The following PAIP2 variants were observed in gnomAD, a reference collection of about 807,000 sequenced individuals.
PAIP2 encodes the protein poly(A) binding protein interacting protein 2.
Under a neutral mutation model 14.8 loss-of-function variants are expected in PAIP2, and 7 were observed. That is an observed-to-expected ratio of 0.47 (90% CI 0.27 to 0.89). PAIP2 has a LOEUF of 0.89. Among genes scored for constraint, PAIP2 ranks in the 40% least tolerant of loss-of-function variants. PAIP2 has a pLI of 0.13. For synonymous variants in PAIP2, 47 were observed against 45.3 expected (o/e 1.04, Z -0.15); for missense variants, 122 against 154.7 (o/e 0.79, Z 1.12).
chr5:139,350,484 A>C (rs1305140845), intron 1 of PAIP2, among the ~76,000 whole-genome samples: 1 of 151,796 alleles, frequency 6.6e-6, no homozygotes, highest in Non-Finnish European at 1.5e-5. Context: ...TGCAAAAATT[A>C]GTGTGTCATG....
intron 1 of PAIP2, among the ~76,000 whole-genome samples, chr5:139,350,976 A>C (rs1756713039): frequency 6.6e-6 from 1 of 152,198 alleles, no homozygotes; most frequent in Non-Finnish European, 1.5e-5. Context: ...CATGAACTAA[A>C]GATTTAAATA....
intron 1 of PAIP2, among the ~76,000 whole-genome samples, chr5:139,355,617 G>A (rs529829527): frequency 6.6e-6 from 1 of 152,304 alleles, no homozygotes; most frequent in South Asian, 2.1e-4. Context: ...CACTTTGGGA[G>A]GCTGATGTGG....
At chr5:139,368,003 A>C (rs565615357) in intron 3 of PAIP2, among the ~76,000 whole-genome samples, 1 of 152,120 alleles carries the variant, frequency 6.6e-6, no homozygotes, top group Non-Finnish European at 1.5e-5. Context: ...GATCAACACC[A>C]TCCTGGCTAA....
At chr5:139,350,950 C>T (rs925348134) in intron 1 of PAIP2, among the ~76,000 whole-genome samples, 5 of 152,006 alleles carry the variant, frequency 3.3e-5, no homozygotes, top group African/African-American at 1.2e-4. Context: ...AGATCCTTCA[C>T]ATATTCAAAT....
intron 1 of PAIP2, among the ~76,000 whole-genome samples, chr5:139,348,394 G>A (rs989609157): frequency 2.0e-5 from 3 of 148,336 alleles, no homozygotes; most frequent in Admixed American, 6.8e-5. Context: ...TCACTCTGTC[G>A]CCCAAGTTGG....
chr5:139,362,282 G>A (rs1757086963), intron 1 of PAIP2, among the ~76,000 whole-genome samples: 1 of 151,902 alleles, frequency 6.6e-6, no homozygotes, highest in Non-Finnish European at 1.5e-5. Flanking sequence ...GTGCAGTGGT[G>A]CAGTCTCGGC....
chr5:139,344,215 C>G (rs954402846), intron 1 of PAIP2, among the ~76,000 whole-genome samples: 3 of 152,176 alleles, frequency 2.0e-5, no homozygotes, highest in Non-Finnish European at 4.4e-5. Context: ...AGTCGGAATT[C>G]AAATCCAGAT....
intron 2 of PAIP2, 39 bp from the exon 3 acceptor site, chr5:139,364,525 A>G (rs879905886): frequency 8.8e-6 from 11 of 1,255,654 alleles, no homozygotes; most frequent in Non-Finnish European, 1.3e-5. Flanking sequence ...AGTGATATCT[A>G]CCAAGTGTGC....
chr5:139,352,506 T>TTTTTTTTTTG (rs1307887518), intron 1 of PAIP2, among the ~76,000 whole-genome samples: 11 of 147,576 alleles, frequency 7.5e-5, no homozygotes, highest in Admixed American at 1.4e-4. Flanking sequence ...TTTGTTGTTT[T>TTTTTTTTTTG]TTTTTTTTGA....
chr5:139,363,140 C>G (rs1295802136), intron 1 of PAIP2, among the ~76,000 whole-genome samples: 1 of 151,954 alleles, frequency 6.6e-6, no homozygotes, highest in Non-Finnish European at 1.5e-5. Context: ...ACTTGGGAGG[C>G]TGAGGCGGGA....
chr5:139,360,365 G>T (rs560395944), intron 1 of PAIP2, among the ~76,000 whole-genome samples: 1 of 152,280 alleles, frequency 6.6e-6, no homozygotes, highest in South Asian at 2.1e-4. Context: ...GATATCCATT[G>T]TCTGTTTTCT....
chr5:139,357,822 T>C (rs1026909591), intron 1 of PAIP2, among the ~76,000 whole-genome samples: 2 of 152,092 alleles, frequency 1.3e-5, no homozygotes, highest in African/African-American at 4.8e-5. Context: ...CAGAGCGAGA[T>C]TCCATCTCAA....
At chr5:139,366,666 GA>G (rs1394727494) in intron 3 of PAIP2, among the ~76,000 whole-genome samples, 1 of 152,178 alleles carries the variant, frequency 6.6e-6, no homozygotes, top group Non-Finnish European at 1.5e-5. Flanking sequence ...CTTTAATCTG[GA>G]CCCAGTATAA....
At chr5:139,357,307 C>T (rs1274200305) in intron 1 of PAIP2, among the ~76,000 whole-genome samples, 1 of 152,226 alleles carries the variant, frequency 6.6e-6, no homozygotes, top group African/African-American at 2.4e-5. Context: ...CTAGGACTAC[C>T]AGGATATGTG....
intron 3 of PAIP2, 88 bp downstream of exon 3, chr5:139,364,831 A>C: frequency 2.4e-6 from 2 of 840,726 alleles, no homozygotes; most frequent in Non-Finnish European, 3.7e-6. Context: ...AGAATTCTAC[A>C]TCTCTTTCCC....
Position 139,344,505 on chromosome 5 carries a change from A to ATG in PAIP2, c.-27+2527_-27+2528dup, listed in dbSNP as rs149923563. Among the ~76,000 whole-genome samples, 435 of 152,308 alleles carry ATG rather than the reference A, an allele frequency of 2.9e-3. 1 individual carries two copies. Among genetic ancestry groups the ATG allele is most frequent in the Non-Finnish European group, 5.0e-3 (338 of 68,026 alleles). ...TTGTTTAGAGTGGTGCTGTCCAATG[A>ATG]TGTAGGTACTGTGTGTGGTTATGAG... On this transcript the variant is annotated intron_variant, in intron 1 of 3. Coordinates refer to ENST00000265192, the MANE Select transcript of PAIP2 (RefSeq NM_016480.5).
intron 3 of PAIP2, among the ~76,000 whole-genome samples, chr5:139,365,342 T>A (rs1368902705): frequency 6.6e-6 from 1 of 151,372 alleles, no homozygotes; most frequent in Non-Finnish European, 1.5e-5. Flanking sequence ...AAAAATTAGC[T>A]GGGTGTGGTG....
At chr5:139,364,539 A>G in intron 2 of PAIP2, 25 bp from the exon 3 acceptor site, 1 of 1,425,608 alleles carries the variant, frequency 7.0e-7, no homozygotes, top group South Asian at 1.2e-5. Context: ...AGTGTGCTAT[A>G]AATTATCCTT....
At chr5:139,346,713 G>A (rs190335499) in intron 1 of PAIP2, among the ~76,000 whole-genome samples, 1 of 149,622 alleles carries the variant, frequency 6.7e-6, no homozygotes, top group East Asian at 2.0e-4. Context: ...TGCATTTTTA[G>A]AGACGGGGTT....
Sources: gnomAD v4.1 joint callset for allele counts (sites outside exome capture counted in the v4.1 genomes callset) on GRCh38, gnomAD v4.1.1 for gene constraint, MANE v1.5 for transcripts, NCBI Gene and HGNC (gene_info 2026-07-23, HGNC 2026-07-21) for gene names.